TEC: variants seen among roughly 807,000 people sequenced by gnomAD.
TEC encodes tec protein tyrosine kinase, also known as tyrosine-protein kinase Tec.
Under a neutral mutation model 93.0 loss-of-function variants are expected in TEC, and 72 were observed. The observed-to-expected ratio is 0.77, with a 90% CI of 0.64 to 0.94. The LOEUF is 0.94. TEC is among the 40% of genes least tolerant of loss of function. The pLI, the probability that TEC is intolerant of heterozygous loss-of-function variation, is 0.00. For missense variants in TEC, 630 were observed against 757.9 expected, an observed-to-expected ratio of 0.83 and a Z score of 1.98; for synonymous variants, 249 against 247.7, an observed-to-expected ratio of 1.01 and a Z score of -0.05.
intron 2 of TEC, among the ~76,000 whole-genome samples, chr4:48,189,095 A>G (rs1300813803): frequency 6.6e-6 from 1 of 152,236 alleles, no homozygotes; most frequent in Non-Finnish European, 1.5e-5. Context: ...GGAAAAAAAC[A>G]TTAAATTATT....
chr4:48,184,297 A>G (rs575733550), intron 2 of TEC, among the ~76,000 whole-genome samples: 4 of 152,244 alleles, frequency 2.6e-5, no homozygotes, highest in African/African-American at 9.6e-5. Flanking sequence ...ACCTATACCT[A>G]AGTAACTTGG....
At chr4:48,155,312 C>G (rs1408483590) in intron 9 of TEC, among the ~76,000 whole-genome samples, 1 of 152,118 alleles carries the variant, frequency 6.6e-6, no homozygotes, top group African/African-American at 2.4e-5. Flanking sequence ...TAAATGGGAG[C>G]CAGTATAACT....
At chr4:48,261,667 A>C (rs1724499478) in intron 1 of TEC, among the ~76,000 whole-genome samples, 1 of 152,238 alleles carries the variant, frequency 6.6e-6, no homozygotes, top group Non-Finnish European at 1.5e-5. Flanking sequence ...ATTAAAAATA[A>C]AAGGAGTAGG....
intron 8 of TEC, among the ~76,000 whole-genome samples, chr4:48,160,266 T>C (rs1577709583): frequency 6.6e-6 from 1 of 152,248 alleles, no homozygotes; most frequent in East Asian, 1.9e-4. Flanking sequence ...TATTGACCTT[T>C]TAAAGATGAG....
At chr4:48,137,919 C>T (rs1464869411) in intron 17 of TEC, among the ~76,000 whole-genome samples, 3 of 152,196 alleles carry the variant, frequency 2.0e-5, no homozygotes, top group Non-Finnish European at 4.4e-5. Context: ...CTTACCTTTG[C>T]TCAAGCTGTT....
intron 3 of TEC, among the ~76,000 whole-genome samples, chr4:48,174,091 C>T (rs1408200225): frequency 6.6e-6 from 1 of 152,156 alleles, no homozygotes; most frequent in Non-Finnish European, 1.5e-5. Flanking sequence ...AATCATGCTG[C>T]TTTAAATTGT....
chr4:48,189,847 T>C (rs1722029720), intron 2 of TEC, among the ~76,000 whole-genome samples: 1 of 152,206 alleles, frequency 6.6e-6, no homozygotes, highest in South Asian at 2.1e-4. Flanking sequence ...AGCCTTCCAA[T>C]GACCACTATA....
intron 14 of TEC, 32 bp downstream of exon 14, chr4:48,145,047 C>A: frequency 1.3e-6 from 2 of 1,598,020 alleles, no homozygotes; most frequent in Non-Finnish European, 1.7e-6. Context: ...GGAATTCAGC[C>A]AATGAGTGGG....
In TEC at chr4:48,150,889, T is replaced by C; in HGVS notation, c.846A>G (p.Thr282=). ...CTCCAAACTTGGTATAAAGGGAGAC[T>C]GTGTACAAGCCTGGTTGACTGGAAT... The part of the protein sequence containing the change: ...VRDSSQPGLY[T]VSLYTKFGGE... The change falls in exon 10 of 18, where the codon ACA becomes ACG. Residue 282 remains threonine (T), a synonymous_variant. Transcript: ENST00000381501. The C allele has an allele frequency of 6.4e-7, 1 of 1,574,262 alleles. No homozygotes were observed. The highest frequency in any genetic ancestry group is 8.6e-7 in the Non-Finnish European group (1 of 1,162,332).
intron 2 of TEC, among the ~76,000 whole-genome samples, chr4:48,192,339 G>T (rs990520578): frequency 2.0e-5 from 3 of 152,104 alleles, no homozygotes; most frequent in Non-Finnish European, 4.4e-5. Context: ...GATTACCTAG[G>T]GATGGTGGGC....
chr4:48,175,955 T>TCA lies in TEC; in HGVS notation c.243+125_243+126dup, dbSNP rs1165090846. The stretch of plus-strand genomic sequence containing the variant: ...GACTTAAACAGTTCATGAAGAAAAG[T>TCA]CACAACTATTAAAGTGGCAAATGAA... On this transcript the variant is annotated intron_variant, in intron 3 of 17. Coordinates refer to ENST00000381501, the MANE Select transcript of TEC (RefSeq NM_003215.3). 4.3e-5 allele frequency: 29 copies of TCA among 679,636 alleles called. No homozygotes were observed. In the East Asian group the frequency reaches 7.3e-4, roughly 17 times the overall value. 42.1% of individuals were successfully genotyped at this position (679,636 alleles called of 1,614,324 possible).
chr4:48,172,945 G>C (rs1721175798), intron 3 of TEC, among the ~76,000 whole-genome samples: 1 of 152,064 alleles, frequency 6.6e-6, no homozygotes, highest in Non-Finnish European at 1.5e-5. Flanking sequence ...CTAGGGCCTT[G>C]GACCTTCCAG....
intron 1 of TEC, among the ~76,000 whole-genome samples, chr4:48,238,845 T>C (rs1426041566): frequency 1.3e-5 from 2 of 152,028 alleles, no homozygotes; most frequent in Admixed American, 6.6e-5. Flanking sequence ...AAAGACAAGC[T>C]ACTTCCCTGG....
At chr4:48,166,463 C>T (rs562022154) in intron 7 of TEC, among the ~76,000 whole-genome samples, 35 of 152,008 alleles carry the variant, frequency 2.3e-4, no homozygotes, top group Non-Finnish European at 4.0e-4. Context: ...AGTCTACAGA[C>T]GATCTTATTT....
At chr4:48,151,096 T>G (rs917979186) in intron 9 of TEC, among the ~76,000 whole-genome samples, 154 bp from the exon 10 acceptor site, 1 of 152,184 alleles carries the variant, frequency 6.6e-6, no homozygotes, top group African/African-American at 2.4e-5. Context: ...GTAGGGCCCC[T>G]TGGTTTCTCC....
chr4:48,183,959 T>G (rs1419190994), intron 2 of TEC, among the ~76,000 whole-genome samples: 1 of 152,142 alleles, frequency 6.6e-6, no homozygotes, highest in Non-Finnish European at 1.5e-5. Context: ...GAGCCAGAAT[T>G]GAACTAAAAT....
intron 8 of TEC, among the ~76,000 whole-genome samples, chr4:48,162,710 T>C (rs1720722246): frequency 1.3e-5 from 2 of 152,230 alleles, no homozygotes; most frequent in Admixed American, 1.3e-4. Context: ...CTTTCCTAGA[T>C]GTTAAGGTAC....
intron 3 of TEC, among the ~76,000 whole-genome samples, chr4:48,172,642 A>G (rs750300956): frequency 2.6e-4 from 35 of 136,342 alleles, no homozygotes; most frequent in African/African-American, 9.2e-4. Context: ...CATAGAACAA[A>G]TGATGCTATA....
chr4:48,199,114 A>G (rs761938077), intron 2 of TEC, among the ~76,000 whole-genome samples: 1 of 152,208 alleles, frequency 6.6e-6, no homozygotes, highest in African/African-American at 2.4e-5. Context: ...TCAACTGCCC[A>G]ATTTCATAGC....
Sources: gnomAD v4.1 joint callset for allele counts (sites outside exome capture counted in the v4.1 genomes callset) on GRCh38, gnomAD v4.1.1 for gene constraint, MANE v1.5 for transcripts, NCBI Gene and HGNC (gene_info 2026-07-23, HGNC 2026-07-21) for gene names.